The following NUP98 variants were observed in gnomAD, a reference collection of about 807,000 sequenced individuals.
The protein encoded by NUP98 is nucleoporin 98 and 96 precursor.
Under a neutral mutation model 191.9 loss-of-function variants are expected in NUP98, and 26 were observed. The ratio of observed to expected loss-of-function variants is 0.14; its 90% CI spans 0.10 to 0.19. The LOEUF (loss-of-function observed/expected upper bound fraction) is 0.19, where lower values mean the gene tolerates loss of function less well. NUP98 is among the 10% of genes least tolerant of loss of function. The probability of loss-of-function intolerance (pLI) is 1.00; values close to 1 mark genes in which losing one functional copy is unlikely to be tolerated. For missense variants in NUP98, 1,941 were observed against 2,178.8 expected (o/e 0.89, Z 2.17); for synonymous variants, 808 against 778.4 (o/e 1.04, Z -0.63).
rs561568468 is a variant in NUP98 at position 3,749,793 on chromosome 11, G to C, written c.1267+3523C>G. On this transcript the variant is annotated intron_variant, in intron 11 of 32. Transcript: ENST00000324932. The stretch of plus-strand genomic sequence containing the variant: ...CCAGTAATCAGTGAGGTGCAAACTG[G>C]AATGTACCAATTTCTACTGTCATGT... 6.6e-5 allele frequency among the ~76,000 whole-genome samples: 10 copies of C among 150,994 alleles called. No individual in the cohort carries two copies. The East Asian group carries it at 1.7e-3, about 26-fold the overall frequency.
intron 10 of NUP98, among the ~76,000 whole-genome samples, chr11:3,757,101 A>G (rs1021213046): frequency 5.6e-5 from 8 of 142,830 alleles, no homozygotes; most frequent in Non-Finnish European, 1.0e-4. Flanking sequence ...AAAAAAATAT[A>G]TATATATATC....
intron 1 of NUP98, among the ~76,000 whole-genome samples, chr11:3,784,604 A>AAAC (rs1285687415): frequency 1.3e-5 from 2 of 150,282 alleles, no homozygotes; most frequent in Non-Finnish European, 3.0e-5. Flanking sequence ...AACAAAAAAA[A>AAAC]ACAAAAAACA....
intron 1 of NUP98, among the ~76,000 whole-genome samples, chr11:3,791,553 A>G (rs1326862723): frequency 2.0e-5 from 3 of 149,688 alleles, no homozygotes; most frequent in Non-Finnish European, 4.4e-5. Flanking sequence ...AAAAAAAAAA[A>G]AAAAAGAAAG....
chr11:3,690,633 T>C (rs1399566120), intron 28 of NUP98, among the ~76,000 whole-genome samples: 1 of 152,104 alleles, frequency 6.6e-6, no homozygotes, highest in Non-Finnish European at 1.5e-5. Context: ...ACATGCCCAA[T>C]AAAATGGTAA....
Position 3,676,010 on chromosome 11 carries a change from C to G in NUP98, c.*149G>C, listed in dbSNP as rs561793440. 98 of 686,552 alleles carry G rather than the reference C, an allele frequency of 1.4e-4. No individual in the cohort carries two copies. The African/African-American group carries it at 1.6e-3, about 11-fold the overall frequency. 42.5% of individuals were successfully genotyped at this position (686,552 alleles called of 1,614,324 possible). A position where few individuals can be genotyped will look rare whatever the true frequency, so the allele number is the denominator to read the frequency against. On this transcript the variant is annotated 3_prime_UTR_variant, in exon 33 of 33. Transcript: ENST00000324932. ...GTTCAGTATTAAGAAAAGCCCTGAACAAGTGGAGGATGCTGCTTCTGGCAG... is the reference window on the plus strand; with the variant it reads ...GTTCAGTATTAAGAAAAGCCCTGAAGAAGTGGAGGATGCTGCTTCTGGCAG...
intron 11 of NUP98, 59 bp from the exon 12 acceptor site, chr11:3,744,708 G>A (rs1589860363): frequency 6.5e-7 from 1 of 1,545,854 alleles, no homozygotes; most frequent in African/African-American, 1.4e-5. Context: ...TGTTGTGCCA[G>A]AGGTCAGTTA....
chr11:3,698,604 G>A (rs112931654), intron 25 of NUP98, among the ~76,000 whole-genome samples: 1 of 151,640 alleles, frequency 6.6e-6, no homozygotes, highest in African/African-American at 2.4e-5. Flanking sequence ...GCAGGCACCT[G>A]TAATCTCAGC....
rs1486225858 is a variant in NUP98, at chr11:3,789,923, T to TTCTCG, written c.-29+7476_-29+7477insCGAGA. 2.6e-5 allele frequency among the ~76,000 whole-genome samples: 4 copies of TTCTCG among 152,280 alleles called. No individual in the cohort carries two copies. In the East Asian group the frequency reaches 7.7e-4, roughly 29 times the overall value. On this transcript the variant is annotated intron_variant, in intron 1 of 32. Transcript: ENST00000324932. ...CCTCAGCCTCTCGAGAAGATGGGAC[T>TTCTCG]ACAGGCACCCACCACTATACCGGGT...
rs58867754 is a variant in NUP98, at chr11:3,753,755, C to CAAAAAAAAAAAAAAA, written c.1175-362_1175-348dup. 6.9e-4 allele frequency among the ~76,000 whole-genome samples: 7 copies of CAAAAAAAAAAAAAAA among 10,174 alleles called. 3 individuals carry two copies. Among genetic ancestry groups the CAAAAAAAAAAAAAAA allele is most frequent in the Admixed American group, 4.5e-3 (2 of 442 alleles). The allele number at this position is 10,174 out of a possible 152,430, so 6.7% of individuals were successfully genotyped here. The stretch of plus-strand genomic sequence containing the variant: ...GTGAAACCCCGTCTCTATAAAAATA[C>CAAAAAAAAAAAAAAA]AAAAAAAAAAAAAAAAAAAAAAAAA... On this transcript the variant is annotated intron_variant, in intron 10 of 32. Transcript: ENST00000324932.
chr11:3,712,479 A>T (rs2079048672), intron 20 of NUP98, 85 bp downstream of exon 20: 1 of 1,578,358 alleles, frequency 6.3e-7, no homozygotes, highest in Admixed American at 1.8e-5. Flanking sequence ...CAAGGGTCAT[A>T]AAACAGCTTT....
chr11:3,727,834 G>C lies in NUP98; in HGVS notation c.1731-2615C>G, dbSNP rs554815889. 5.3e-5 allele frequency among the ~76,000 whole-genome samples: 8 copies of C among 151,926 alleles called. No individual in the cohort carries two copies. In the East Asian group the frequency reaches 1.5e-3, roughly 29 times the overall value. ...AAGCTAGGAGTTTGAGACCAGCCTG[G>C]GCAACACAGCAAGATCCTGTCTCTA... On this transcript the variant is annotated intron_variant, in intron 14 of 32. Transcript: ENST00000324932.
Position 3,702,556 on chromosome 11 carries a change from C to T in NUP98, c.3419G>A (p.Gly1140Glu). 2 of 1,614,118 alleles carry T rather than the reference C, an allele frequency of 1.2e-6. No homozygotes were observed. Among genetic ancestry groups the T allele is most frequent in the Non-Finnish European group, 1.7e-6 (2 of 1,180,016 alleles). Residue 1140 changes from glycine to glutamate, a missense_variant, in exon 23 of 33, where the codon GGA (glycine) becomes GAA (glutamate). By Grantham distance (98) the Gly-to-Glu change is moderately conservative. This residue lies in a region of NUP98 where 1,030 missense variants were observed against 1,115.8 expected (regional missense o/e 0.92). Coordinates refer to ENST00000324932, the MANE Select transcript of NUP98 (RefSeq NM_016320.5). The stretch of plus-strand genomic sequence containing the variant: ...TTCATGAGAGCCATTCAGCTGTTCT[C>T]CACTATTAGCAAGAGTCCAGTTGGG... Reference protein sequence around the residue: ...WGPNWTLANSGEQLNGSHELE... With the variant: ...WGPNWTLANSEEQLNGSHELE...
intron 7 of NUP98, among the ~76,000 whole-genome samples, chr11:3,770,855 CT>C (rs1331630923): frequency 6.6e-6 from 1 of 152,064 alleles, no homozygotes; most frequent in Non-Finnish European, 1.5e-5. Context: ...AGAACCTCAT[CT>C]TTTTTCTTTT....
intron 20 of NUP98, 171 bp downstream of exon 20, chr11:3,712,369 TTTAAATCTCTCCAGTAAAAAGACA>T: frequency 1.4e-6 from 2 of 1,390,630 alleles, no homozygotes; most frequent in Non-Finnish European, 1.9e-6. Context: ...AAGAGAATTC[TTTAAATCTCTCCAGTAAAAAGACA>T]GATGCCTGCA....
chr11:3,753,495 C>T, intron 10 of NUP98, 87 bp from the exon 11 acceptor site: 1 of 1,012,056 alleles, frequency 9.9e-7, no homozygotes, highest in South Asian at 1.4e-5. Context: ...AGCAGTCTGA[C>T]TTTAAGTTGT....
intron 7 of NUP98, among the ~76,000 whole-genome samples, chr11:3,769,852 G>A (rs1231039401): frequency 6.6e-6 from 1 of 151,756 alleles, no homozygotes; most frequent in Non-Finnish European, 1.5e-5. Context: ...GATCAGCCTG[G>A]CCAAGACGGT....
chr11:3,786,171 A>G (rs1287691604), intron 1 of NUP98, among the ~76,000 whole-genome samples: 1 of 152,226 alleles, frequency 6.6e-6, no homozygotes, highest in Non-Finnish European at 1.5e-5. Context: ...CAATGCTTCT[A>G]GAGTCTAGAG....
chr11:3,718,552 AAAAG>A (rs945721063), intron 18 of NUP98, among the ~76,000 whole-genome samples: 2 of 151,972 alleles, frequency 1.3e-5, no homozygotes, highest in Non-Finnish European at 2.9e-5. Context: ...AGAAAGAAAG[AAAAG>A]AAAGAAAGAA....
intron 29 of NUP98, among the ~76,000 whole-genome samples, chr11:3,684,524 T>C (rs993376049): frequency 1.3e-5 from 2 of 152,096 alleles, no homozygotes; most frequent in African/African-American, 2.4e-5. Context: ...TCCGAAACAT[T>C]AGCCATCCTA....
Sources: allele counts gnomAD v4.1 joint callset (sites outside exome capture counted in the v4.1 genomes callset), GRCh38; gene constraint gnomAD v4.1.1; regional missense constraint gnomAD v4.1.1; transcripts MANE v1.5; gene names NCBI Gene and HGNC (gene_info 2026-07-23, HGNC 2026-07-21).